Variants in VPS13A observed in about 807,000 individuals in gnomAD.
VPS13A encodes vacuolar protein sorting 13 homolog A.
In VPS13A, 264 loss-of-function variants were observed where a neutral mutation model predicts 390.9. That is an observed-to-expected ratio of 0.68 (90% confidence interval 0.61 to 0.75). The LOEUF is 0.75. Among genes scored for constraint, VPS13A ranks in the 30% least tolerant of loss-of-function variants. The probability of loss-of-function intolerance (pLI) is 0.00; values close to 1 mark genes in which losing one functional copy is unlikely to be tolerated. For synonymous variants in VPS13A, 1,231 were observed against 1,227.1 expected (o/e 1.00, Z -0.07); for missense variants, 3,409 against 3,733.9 (o/e 0.91, Z 2.27).
chr9:77,244,158 A>G (rs1029032574), intron 19 of VPS13A, among the ~76,000 whole-genome samples: 1 of 152,170 alleles, frequency 6.6e-6, no homozygotes, highest in African/African-American at 2.4e-5. Flanking sequence ...GGATTGCTTG[A>G]GCCCGGGAGG....
chr9:77,381,959 TA>T lies in VPS13A; in HGVS notation c.9078-16del, dbSNP rs753489330. 2.0e-6 allele frequency: 3 copies of T among 1,534,986 alleles called. No homozygotes were observed. The highest frequency in any genetic ancestry group is 1.8e-6 in the Non-Finnish European group (2 of 1,120,600). On this transcript the variant is annotated splice_polypyrimidine_tract_variant and intron_variant, in intron 67 of 71. Transcript: ENST00000360280. ...TTGAATAATTTTTAAAATAAAGTTA[TA>T]TTTTTTTTCCTCTAGAGCTACAGAG...
At chr9:77,316,117 A>G in intron 38 of VPS13A, 57 bp from the exon 39 acceptor site, 1 of 938,072 alleles carries the variant, frequency 1.1e-6, no homozygotes, top group Non-Finnish European at 1.4e-6. Context: ...TTTCTTATAA[A>G]TAATAAATTA....
intron 71 of VPS13A, among the ~76,000 whole-genome samples, chr9:77,415,007 G>A (rs1835114724): frequency 6.6e-6 from 1 of 152,100 alleles, no homozygotes; most frequent in Admixed American, 6.5e-5. Flanking sequence ...TAGACATTCT[G>A]ATATAAGGCG....
intron 23 of VPS13A, among the ~76,000 whole-genome samples, chr9:77,265,002 A>C (rs1230921781): frequency 1.3e-5 from 2 of 152,212 alleles, no homozygotes; most frequent in African/African-American, 4.8e-5. Flanking sequence ...AGTTTTTAGC[A>C]TGAAGGGTGT....
intron 13 of VPS13A, among the ~76,000 whole-genome samples, chr9:77,223,747 C>G (rs757339474): frequency 2.6e-5 from 4 of 152,126 alleles, no homozygotes; most frequent in Non-Finnish European, 4.4e-5. Context: ...GAAGAAAGTG[C>G]TGATGGAGAA....
chr9:77,320,895 G>A (rs546594385), intron 42 of VPS13A, among the ~76,000 whole-genome samples: 4 of 151,852 alleles, frequency 2.6e-5, no homozygotes, highest in Non-Finnish European at 2.9e-5. Context: ...TTCAGATCCC[G>A]GGTACACATA....
In VPS13A at chr9:77,238,119, A is replaced by G. The variant is rs1478822743; in HGVS notation, c.1713A>G (p.Ile571Met). ...AMSLFQITFE[I>M]NPLDETVSQR... ...CACTTTTCCAAATTACATTTGAGAT[A>G]AATCCATTAGATGAAACTGTTTCTC... The change falls in exon 18 of 72, where the codon ATA (isoleucine) becomes ATG (methionine). Residue 571 changes from isoleucine to methionine, a missense_variant. This residue lies in a region of VPS13A where 2,717 missense variants were observed against 2,917.4 expected (regional missense o/e 0.93). Coordinates refer to ENST00000360280, the MANE Select transcript of VPS13A (RefSeq NM_033305.3). 4 of 1,613,704 alleles carry G rather than the reference A, an allele frequency of 2.5e-6. No individual in the cohort carries two copies. The Admixed American group carries it at 6.7e-5, about 27-fold the overall frequency.
chr9:77,403,218 C>G lies in VPS13A; in HGVS notation c.9190-18C>G, dbSNP rs746656401. 6.3e-6 allele frequency: 10 copies of G among 1,581,680 alleles called. 1 individual carries two copies. In the Middle Eastern group the frequency reaches 1.0e-3, roughly 162 times the overall value. On this transcript the variant is annotated intron_variant, in intron 68 of 71. Transcript: ENST00000360280. ...AATACTATCAATTTTCTCATTGTCT[C>G]TCACTTTTTTCTTTTAGGTCATGGA...
chr9:77,194,699 A>C (rs1336887035), intron 1 of VPS13A, among the ~76,000 whole-genome samples: 1 of 152,158 alleles, frequency 6.6e-6, no homozygotes, highest in Non-Finnish European at 1.5e-5. Context: ...CCCCAGGAGC[A>C]TTTGGGGTCA....
chr9:77,409,910 G>T (rs1368059672), intron 71 of VPS13A, among the ~76,000 whole-genome samples: 1 of 151,246 alleles, frequency 6.6e-6, no homozygotes, highest in East Asian at 2.0e-4. Flanking sequence ...ATCTAGCAAG[G>T]CAGGCCAACA....
intron 1 of VPS13A, among the ~76,000 whole-genome samples, chr9:77,188,631 C>G (rs561638459): frequency 5.3e-5 from 8 of 151,982 alleles, no homozygotes; most frequent in Non-Finnish European, 1.0e-4. Flanking sequence ...GGGTATATAC[C>G]CAGTAATGGG....
intron 34 of VPS13A, among the ~76,000 whole-genome samples, chr9:77,304,312 G>A (rs1828585391): frequency 6.6e-6 from 1 of 152,124 alleles, no homozygotes; most frequent in Admixed American, 6.6e-5. Flanking sequence ...GGGTCAAAGT[G>A]GCTGGGGCAA....
chr9:77,402,300 C>T (rs1257444434), intron 68 of VPS13A, among the ~76,000 whole-genome samples: 7 of 152,116 alleles, frequency 4.6e-5, no homozygotes, highest in African/African-American at 7.2e-5. Context: ...ATTTTCTATA[C>T]GAAGATCATC....
intron 34 of VPS13A, among the ~76,000 whole-genome samples, chr9:77,303,577 C>G (rs573132913): frequency 6.6e-6 from 1 of 152,142 alleles, no homozygotes; most frequent in East Asian, 1.9e-4. Context: ...GCACTGGCAC[C>G]GGCCTCTGAG....
intron 45 of VPS13A, among the ~76,000 whole-genome samples, chr9:77,323,739 G>T (rs929085560): frequency 4.6e-5 from 7 of 152,022 alleles, no homozygotes; most frequent in African/African-American, 1.7e-4. Flanking sequence ...CCACTGATCT[G>T]TCCTCATTGT....
At chr9:77,283,298 T>G in intron 29 of VPS13A, 57 bp from the exon 30 acceptor site, 1 of 972,386 alleles carries the variant, frequency 1.0e-6, no homozygotes, top group East Asian at 2.4e-5. Flanking sequence ...ATAAGTATAG[T>G]GAGGTAACTA....
At chr9:77,332,981 C>A (rs903575307) in intron 46 of VPS13A, among the ~76,000 whole-genome samples, 2 of 152,156 alleles carry the variant, frequency 1.3e-5, no homozygotes, top group East Asian at 3.9e-4. Flanking sequence ...ACCTGCTAAA[C>A]CTAAAGAGTG....
At chr9:77,297,138 T>G (rs1445668851) in intron 33 of VPS13A, among the ~76,000 whole-genome samples, 2 of 152,158 alleles carry the variant, frequency 1.3e-5, no homozygotes, top group Non-Finnish European at 1.5e-5. Context: ...ATATTTATTA[T>G]TCTGCTTACT....
At chr9:77,286,000 C>T (rs1009215603) in intron 31 of VPS13A, among the ~76,000 whole-genome samples, 4 of 152,044 alleles carry the variant, frequency 2.6e-5, no homozygotes, top group African/African-American at 9.7e-5. Context: ...TTCCTTAAAT[C>T]GGTATTTAAA....
Sources: allele counts gnomAD v4.1 joint callset (sites outside exome capture counted in the v4.1 genomes callset), GRCh38; gene constraint gnomAD v4.1.1; regional missense constraint gnomAD v4.1.1; transcripts MANE v1.5; gene names NCBI Gene and HGNC (gene_info 2026-07-23, HGNC 2026-07-21).